The following DIAPH3 variants were observed in gnomAD, a reference collection of about 807,000 sequenced individuals.
DIAPH3 encodes the protein diaphanous related formin 3.
DIAPH3 carries 117 observed loss-of-function variants against 144.3 expected under a neutral mutation model. That is an observed-to-expected ratio of 0.81 (90% CI 0.70 to 0.95). DIAPH3 has a LOEUF of 0.95. DIAPH3 is among the 40% of genes least tolerant of loss of function. The pLI, the probability that DIAPH3 is intolerant of heterozygous loss-of-function variation, is 0.00. For missense variants in DIAPH3, 1,421 were observed against 1,412.7 expected, an observed-to-expected ratio of 1.01 and a Z score of -0.09; for synonymous variants, 519 against 488.9, an observed-to-expected ratio of 1.06 and a Z score of -0.81.
chr13:60,010,375 A>C (rs1329744156), intron 8 of DIAPH3, among the ~76,000 whole-genome samples, 158 bp downstream of exon 8: 1 of 152,340 alleles, frequency 6.6e-6, no homozygotes, highest in South Asian at 2.1e-4. Flanking sequence ...TTACTCAAAA[A>C]TTTCCAGCCA....
At chr13:60,085,774 G>C (rs936724208) in intron 4 of DIAPH3, among the ~76,000 whole-genome samples, 1 of 152,080 alleles carries the variant, frequency 6.6e-6, no homozygotes, top group African/African-American at 2.4e-5. Context: ...ATATACAGAT[G>C]TCACATGCCT....
At chr13:59,860,423 G>T (rs2043507931) in intron 22 of DIAPH3, among the ~76,000 whole-genome samples, 1 of 152,138 alleles carries the variant, frequency 6.6e-6, no homozygotes. Flanking sequence ...AAGTAAAGTT[G>T]AAAGAATCAA....
At chr13:59,832,773 T>C (rs1850738398) in intron 24 of DIAPH3, among the ~76,000 whole-genome samples, 1 of 151,748 alleles carries the variant, frequency 6.6e-6, no homozygotes, top group Admixed American at 6.6e-5. Flanking sequence ...ATCACAAAAA[T>C]ATAAACTGAT....
chr13:60,158,626 G>A (rs1396480501), intron 1 of DIAPH3, among the ~76,000 whole-genome samples: 2 of 152,134 alleles, frequency 1.3e-5, no homozygotes, highest in African/African-American at 4.8e-5. Context: ...ACCACCTGTG[G>A]TTGCCCCAGC....
intron 17 of DIAPH3, among the ~76,000 whole-genome samples, chr13:59,967,191 G>A (rs1308986062): frequency 3.3e-5 from 5 of 151,518 alleles, no homozygotes; most frequent in Admixed American, 6.6e-5. Flanking sequence ...CTCAGCCTCC[G>A]GAGTAGCTGG....
chr13:60,013,040 T>A (rs2053386065), intron 7 of DIAPH3: 1 of 985,342 alleles, frequency 1.0e-6, no homozygotes, highest in Non-Finnish European at 1.2e-6. Context: ...TGAGAAGTTG[T>A]CAACTTACCA....
chr13:59,810,326 A>G (rs1385318691), intron 25 of DIAPH3, among the ~76,000 whole-genome samples: 2 of 152,190 alleles, frequency 1.3e-5, no homozygotes, highest in Non-Finnish European at 2.9e-5. Flanking sequence ...TAAATTCCAT[A>G]CATTACAATT....
intron 27 of DIAPH3, among the ~76,000 whole-genome samples, chr13:59,739,763 A>C (rs2036352058): frequency 6.6e-6 from 1 of 152,158 alleles, no homozygotes; most frequent in African/African-American, 2.4e-5. Context: ...CCTGCAAAGC[A>C]CTACTCAAAC....
intron 27 of DIAPH3, among the ~76,000 whole-genome samples, chr13:59,753,697 A>G (rs1335625583): frequency 6.6e-6 from 1 of 152,196 alleles, no homozygotes; most frequent in Admixed American, 6.5e-5. Context: ...TGTTATAAAT[A>G]TATTTCTTAT....
intron 24 of DIAPH3, among the ~76,000 whole-genome samples, chr13:59,823,678 A>G (rs2041204465): frequency 6.6e-6 from 1 of 152,182 alleles, no homozygotes; most frequent in Non-Finnish European, 1.5e-5. Flanking sequence ...GGAAATGCTT[A>G]GTGTTTTGAC....
intron 1 of DIAPH3, among the ~76,000 whole-genome samples, chr13:60,162,363 G>A: frequency 6.7e-6 from 1 of 149,744 alleles, no homozygotes; most frequent in Non-Finnish European, 1.5e-5. Context: ...TATTAACCCA[G>A]AGAGTAGACT....
At chr13:59,774,382 C>T in intron 26 of DIAPH3, 134 bp from the exon 27 acceptor site, 1 of 735,626 alleles carries the variant, frequency 1.4e-6, no homozygotes, top group South Asian at 1.7e-5. Flanking sequence ...TCCTGAAATA[C>T]TTGAAGCAGT....
chr13:60,030,532 C>T (rs2054709697), intron 5 of DIAPH3, among the ~76,000 whole-genome samples: 2 of 152,066 alleles, frequency 1.3e-5, no homozygotes, highest in African/African-American at 4.8e-5. Flanking sequence ...TCTCCTTATT[C>T]TGTTTTTACT....
rs1156482615 is a variant in DIAPH3, at chr13:59,665,836, G to GAA, written c.*746_*747dup. 6.6e-6 allele frequency: 1 copy of GAA among 152,518 alleles called. No individual in the cohort carries two copies. The highest frequency in any genetic ancestry group is 1.5e-5 in the Non-Finnish European group (1 of 68,020). 9.4% of individuals were successfully genotyped at this position (152,518 alleles called of 1,614,324 possible). A position where few individuals can be genotyped will look rare whatever the true frequency, so the allele number is the denominator to read the frequency against. ...TATCTCAGAGTCATAATTACAAGGGGAAAAATACTCTCTTAGCCAAGATCA... is the reference window on the plus strand; with the variant it reads ...TATCTCAGAGTCATAATTACAAGGGGAAAAAAATACTCTCTTAGCCAAGATCA... On this transcript the variant is annotated 3_prime_UTR_variant, in exon 28 of 28. Coordinates refer to ENST00000400324, the MANE Select transcript of DIAPH3 (RefSeq NM_001042517.2).
At chr13:59,921,653 G>A (rs1380242156) in intron 18 of DIAPH3, among the ~76,000 whole-genome samples, 3 of 151,846 alleles carry the variant, frequency 2.0e-5, no homozygotes, top group Admixed American at 6.6e-5. Flanking sequence ...TATCAAACAT[G>A]TAAGTAAAAA....
In DIAPH3 at chr13:59,839,585, C is replaced by A. The variant is rs2042230974; in HGVS notation, c.2738-137G>T. 6 of 824,834 alleles carry A rather than the reference C, an allele frequency of 7.3e-6. No homozygotes were observed. In the East Asian group the frequency reaches 1.9e-4, roughly 26 times the overall value. 51.1% of individuals were successfully genotyped at this position (824,834 alleles called of 1,614,324 possible). A position where few individuals can be genotyped will look rare whatever the true frequency, so the allele number is the denominator to read the frequency against. ...TTCATTATAAAATAAAAATAAATTTCACTTTTAACCTTTCAATTTAAAATC... is the reference window on the plus strand; with the variant it reads ...TTCATTATAAAATAAAAATAAATTTAACTTTTAACCTTTCAATTTAAAATC... On this transcript the variant is annotated intron_variant, in intron 22 of 27. Transcript: ENST00000400324.
chr13:59,805,717 A>G (rs1176577734), intron 25 of DIAPH3, among the ~76,000 whole-genome samples: 2 of 152,016 alleles, frequency 1.3e-5, no homozygotes, highest in Admixed American at 6.6e-5. Flanking sequence ...AACGAAAAAC[A>G]TCATGTTTTA....
chr13:59,868,493 C>T (rs1373166835), intron 21 of DIAPH3, among the ~76,000 whole-genome samples: 2 of 152,128 alleles, frequency 1.3e-5, no homozygotes. Context: ...CCTACACACA[C>T]ACAAATTATC....
intron 4 of DIAPH3, among the ~76,000 whole-genome samples, chr13:60,090,474 C>T (rs1446871033): frequency 6.6e-6 from 1 of 151,956 alleles, no homozygotes; most frequent in African/African-American, 2.4e-5. Flanking sequence ...TGTTAGACAT[C>T]AGTACTATTT....
Sources: gnomAD v4.1 joint callset for allele counts (sites outside exome capture counted in the v4.1 genomes callset) on GRCh38, gnomAD v4.1.1 for gene constraint, MANE v1.5 for transcripts, NCBI Gene and HGNC (gene_info 2026-07-23, HGNC 2026-07-21) for gene names.